Variants in WNK1 observed in about 807,000 individuals in gnomAD.
The protein encoded by WNK1 is WNK lysine deficient protein kinase 1, also known as serine/threonine-protein kinase WNK1.
In WNK1, 38 loss-of-function variants were observed where a neutral mutation model predicts 222.8. The ratio of observed to expected loss-of-function variants is 0.17; its 90% CI spans 0.13 to 0.22. The LOEUF is 0.22. Ranked by LOEUF, WNK1 falls within the 10% of genes least tolerant of loss-of-function variation. The probability of loss-of-function intolerance (pLI) is 1.00; values close to 1 mark genes in which losing one functional copy is unlikely to be tolerated. For synonymous variants in WNK1, 1,090 were observed against 1,092.9 expected (o/e 1.00, Z 0.05); for missense variants, 2,348 against 2,918.4 (o/e 0.80, Z 4.50).
intron 20 of WNK1, among the ~76,000 whole-genome samples, chr12:888,535 A>T (rs1953890840): frequency 6.6e-6 from 1 of 152,178 alleles, no homozygotes; most frequent in Non-Finnish European, 1.5e-5. Flanking sequence ...AGAAGCCAAG[A>T]CAGATGTAGG....
At chr12:829,439 A>T (rs907962829) in intron 3 of WNK1, among the ~76,000 whole-genome samples, 3 of 152,160 alleles carry the variant, frequency 2.0e-5, no homozygotes, top group African/African-American at 7.2e-5. Context: ...TTCATTTTTT[A>T]AAAAATGTAT....
At chr12:756,431 T>C (rs1464852094) in intron 1 of WNK1, among the ~76,000 whole-genome samples, 2 of 152,348 alleles carry the variant, frequency 1.3e-5, no homozygotes, top group East Asian at 3.8e-4. Context: ...TTTTTAATTC[T>C]CTATCTAGGC....
rs1565542497 is a variant in WNK1, at chr12:865,244, C to T, written c.2139+2974C>T. Reference sequence around the variant, plus strand: ...CCTCTTTCTCCTTCCCTCCTCCGGACTGCCCCGAGGAAACTTTTGCCGAAA... The same window carrying T: ...CCTCTTTCTCCTTCCCTCCTCCGGATTGCCCCGAGGAAACTTTTGCCGAAA... On this transcript the variant is annotated intron_variant, in intron 8 of 27. Transcript: ENST00000315939. The T allele has an allele frequency of 6.5e-6, 10 of 1,536,134 alleles. No individual in the cohort carries two copies. The Admixed American group carries it at 2.0e-4, about 30-fold the overall frequency.
In WNK1 at chr12:896,153, C is replaced by T; in HGVS notation, c.5666C>T (p.Thr1889Ile). The T allele has an allele frequency of 1.9e-6, 3 of 1,614,192 alleles. No individual in the cohort carries two copies. The highest frequency in any genetic ancestry group is 2.5e-6 in the Non-Finnish European group (3 of 1,180,030). Residue 1889 changes from threonine (T) to isoleucine (I), a missense_variant, in exon 24 of 28, where the codon ACC (threonine) becomes ATC (isoleucine). This residue lies in a region of WNK1 where 1,144 missense variants were observed against 1,273.6 expected (regional missense o/e 0.90). Transcript: ENST00000315939. ...DAKSVHFESS[T>I]SESSVLSSSS... ...AAGTCTGTTCATTTTGAATCCAGCA[C>T]CTCAGAGTCCTCAGTGCTATCAAGT...
chr12:757,406 A>G (rs746729093), intron 1 of WNK1, among the ~76,000 whole-genome samples: 35 of 142,620 alleles, frequency 2.5e-4, no homozygotes, highest in Non-Finnish European at 4.1e-4. Flanking sequence ...GCTCACTGCA[A>G]CCTCCGCCTC....
intron 9 of WNK1, among the ~76,000 whole-genome samples, chr12:871,959 T>TC (rs998360217): frequency 2.0e-5 from 3 of 152,178 alleles, no homozygotes; most frequent in Admixed American, 6.5e-5. Context: ...TCTCTTTTTT[T>TC]CCACTGCTTG....
At chr12:846,732 T>TG (rs781698437) in intron 4 of WNK1, among the ~76,000 whole-genome samples, 1 of 152,204 alleles carries the variant, frequency 6.6e-6, no homozygotes, top group Non-Finnish European at 1.5e-5. Flanking sequence ...ACATTTTGTC[T>TG]GGGAAAAAAC....
intron 4 of WNK1, chr12:851,594 G>C (rs1322284460): frequency 1.6e-6 from 2 of 1,221,440 alleles, no homozygotes; most frequent in African/African-American, 3.2e-5. Flanking sequence ...GTTTCAGTCT[G>C]ACTTTGATGT....
At position 902,858 on chromosome 12, in the gene WNK1, A is replaced by G. The variant is rs969266071; in HGVS notation, c.6643+2188A>G. ...ACTGTTCGTGGAAGAACAGTTTAAA[A>G]CAAACAAAAACATAGTTCAAGTAGA... On this transcript the variant is annotated intron_variant, in intron 26 of 27. Transcript: ENST00000315939. Among the ~76,000 whole-genome samples, 3 of 152,360 alleles carry G rather than the reference A, an allele frequency of 2.0e-5. No individual in the cohort carries two copies. In the South Asian group the frequency reaches 6.2e-4, roughly 32 times the overall value.
chr12:907,327 A>AG (rs1384099074), intron 26 of WNK1, among the ~76,000 whole-genome samples: 2 of 151,796 alleles, frequency 1.3e-5, no homozygotes, highest in Non-Finnish European at 2.9e-5. Flanking sequence ...TCTCAAAAAA[A>AG]AAAAAAAAGG....
At chr12:881,046 T>C in intron 12 of WNK1, 47 bp downstream of exon 12, 1 of 1,610,048 alleles carries the variant, frequency 6.2e-7, no homozygotes, top group Non-Finnish European at 8.5e-7. Context: ...ATATATGTAA[T>C]TGGACAACAA....
chr12:788,109 A>G (rs965462977), intron 1 of WNK1, among the ~76,000 whole-genome samples: 2 of 152,096 alleles, frequency 1.3e-5, no homozygotes, highest in African/African-American at 4.8e-5. Context: ...TGATTAGATG[A>G]GACCCAACCA....
In WNK1 at chr12:857,193, A is replaced by T; in HGVS notation, c.1344A>T (p.Ala448=). The change falls in exon 5 of 28, where the codon GCA becomes GCT. Residue 448 remains alanine (A), a synonymous_variant. Coordinates refer to ENST00000315939, the MANE Select transcript of WNK1 (RefSeq NM_018979.4). ...AGCCAGCCAGTTTTGACAAAGTAGCAATTCCTGAAGTGAAGGAAATTATTG... is the reference window on the plus strand; with the variant it reads ...AGCCAGCCAGTTTTGACAAAGTAGCTATTCCTGAAGTGAAGGAAATTATTG... The part of the protein sequence containing the change: ...GVKPASFDKV[A]IPEVKEIIEG... The T allele has an allele frequency of 3.7e-6, 6 of 1,614,222 alleles. No individual in the cohort carries two copies. Among genetic ancestry groups the T allele is most frequent in the Non-Finnish European group, 5.1e-6 (6 of 1,180,030 alleles).
chr12:868,373 C>T, intron 8 of WNK1: 4 of 1,613,916 alleles, frequency 2.5e-6, no homozygotes, highest in Non-Finnish European at 3.4e-6. Flanking sequence ...GAAACAGATA[C>T]CTGAACAGAA....
chr12:784,978 A>G (rs553621638), intron 1 of WNK1, among the ~76,000 whole-genome samples: 1 of 152,194 alleles, frequency 6.6e-6, no homozygotes, highest in African/African-American at 2.4e-5. Context: ...ATTTTCCTTC[A>G]TCTTCCTTTC....
chr12:906,673 T>C (rs994886405), intron 26 of WNK1: 1 of 985,122 alleles, frequency 1.0e-6, no homozygotes, highest in Non-Finnish European at 1.2e-6. Context: ...GTTTGCAAAT[T>C]CATGTTTATG....
rs1014504218 is a variant in WNK1 at position 827,526 on chromosome 12, G to A, written c.1153+264G>A. On this transcript the variant is annotated intron_variant, in intron 3 of 27. Transcript: ENST00000315939. The surrounding 1 kb of genome is among the most constrained non-coding windows in gnomAD (Gnocchi z 4.6). ...ACCTAATGTAATAGCCTTTTTTGTTGTTGTTGTTGTTGTTGTTGTTGAGAT... is the reference window on the plus strand; with the variant it reads ...ACCTAATGTAATAGCCTTTTTTGTTATTGTTGTTGTTGTTGTTGTTGAGAT... The A allele has an allele frequency of 2.1e-6, 1 of 465,636 alleles. No homozygotes were observed. Among genetic ancestry groups the A allele is most frequent in the African/African-American group, 2.0e-5 (1 of 51,068 alleles). The allele number at this position is 465,636 out of a possible 1,614,324, so 28.8% of individuals were successfully genotyped here.
In WNK1 at chr12:910,016, T is replaced by TAA. The variant is rs1555165272; in HGVS notation, c.*1226_*1227dup. Reference sequence around the variant, plus strand: ...TGTGTGCTGGGTGAAAGACAAAGACTAAAGAATGAGGAAACAAACGTGATG... The same window carrying TAA: ...TGTGTGCTGGGTGAAAGACAAAGACTAAAAAGAATGAGGAAACAAACGTGATG... On this transcript the variant is annotated 3_prime_UTR_variant, in exon 28 of 28. Coordinates refer to ENST00000315939, the MANE Select transcript of WNK1 (RefSeq NM_018979.4). 2.0e-5 allele frequency: 3 copies of TAA among 151,788 alleles called. No individual in the cohort carries two copies. Among genetic ancestry groups the TAA allele is most frequent in the African/African-American group, 7.3e-5 (3 of 41,336 alleles). 9.4% of individuals were successfully genotyped at this position (151,788 alleles called of 1,614,324 possible). A position where few individuals can be genotyped will look rare whatever the true frequency, so the allele number is the denominator to read the frequency against.
chr12:795,981 G>C (rs781745769), intron 1 of WNK1, among the ~76,000 whole-genome samples: 1 of 151,944 alleles, frequency 6.6e-6, no homozygotes, highest in Non-Finnish European at 1.5e-5. Context: ...TCTGCCTCCC[G>C]GGTTCAAGTG....
Sources: gnomAD v4.1 joint callset for allele counts (sites outside exome capture counted in the v4.1 genomes callset) on GRCh38, gnomAD v4.1.1 for gene constraint, gnomAD v4.1.1 regional missense constraint, Gnocchi (gnomAD v3.1) non-coding constraint, MANE v1.5 for transcripts, NCBI Gene and HGNC (gene_info 2026-07-23, HGNC 2026-07-21) for gene names.